Variants in TRMT11 observed in about 807,000 individuals in gnomAD.
TRMT11 encodes tRNA (guanine(10)-N(2))-methyltransferase TRMT11.
TRMT11 carries 53 observed loss-of-function variants against 62.8 expected under a neutral mutation model. That is an observed-to-expected ratio of 0.84 (90% CI 0.68 to 1.06). The LOEUF is 1.06. Ranked by LOEUF, TRMT11 falls within the 50% of genes least tolerant of loss-of-function variation. The pLI, the probability that TRMT11 is intolerant of heterozygous loss-of-function variation, is 0.00. For synonymous variants in TRMT11, 188 were observed against 190.3 expected, an observed-to-expected ratio of 0.99 and a Z score of 0.10; for missense variants, 556 against 553.4, an observed-to-expected ratio of 1.00 and a Z score of -0.05.
intron 21 of TRMT11, among the ~76,000 whole-genome samples, chr6:126,154,419 AC>A (rs1210233366): frequency 1.3e-5 from 2 of 151,780 alleles, no homozygotes; most frequent in African/African-American, 2.4e-5. Context: ...GATAGCATGA[AC>A]CCTTGTATGG....
At chr6:126,005,430 T>C (rs539370971) in intron 7 of TRMT11, among the ~76,000 whole-genome samples, 1 of 152,206 alleles carries the variant, frequency 6.6e-6, no homozygotes, top group South Asian at 2.1e-4. Context: ...TGTAAAATGG[T>C]AATACTAATA....
intron 17 of TRMT11, among the ~76,000 whole-genome samples, chr6:126,059,245 A>G (rs1385388697): frequency 1.3e-5 from 2 of 152,052 alleles, no homozygotes; most frequent in East Asian, 3.9e-4. Context: ...TGGAACAAAT[A>G]ACAGCTTTAC....
the TRMT11 span, among the ~76,000 whole-genome samples, chr6:126,215,619 A>G: frequency 6.6e-6 from 1 of 151,890 alleles, no homozygotes; most frequent in East Asian, 1.9e-4. Flanking sequence ...GAGATAGCTG[A>G]TTCCTGGTTT....
the TRMT11 span, among the ~76,000 whole-genome samples, chr6:126,264,435 C>G: frequency 1.7e-4 from 26 of 152,186 alleles, no homozygotes; most frequent in East Asian, 5.0e-3. Flanking sequence ...AAATATTATT[C>G]TACAAATTTC....
chr6:126,140,433 A>C (rs1777904856), intron 21 of TRMT11, among the ~76,000 whole-genome samples: 1 of 152,082 alleles, frequency 6.6e-6, no homozygotes, highest in Non-Finnish European at 1.5e-5. Flanking sequence ...TGAAAAGTTT[A>C]TATAACACAA....
Position 126,004,256 on chromosome 6 carries a change from A to G in TRMT11, c.680-4136A>G, listed in dbSNP as rs368402369. On this transcript the variant is annotated intron_variant, in intron 7 of 12. Coordinates refer to ENST00000334379, the MANE Select transcript of TRMT11 (RefSeq NM_001031712.3). ...TATCTTCACAGCTGTCAATATATGG[A>G]CCATTTATAGTGTGTTGAGGGGCAA... 4.0e-5 allele frequency among the ~76,000 whole-genome samples: 6 copies of G among 151,890 alleles called. No homozygotes were observed. In the East Asian group the frequency reaches 9.6e-4, roughly 24 times the overall value.
At chr6:126,113,611 A>T (rs888647359) in intron 18 of TRMT11, among the ~76,000 whole-genome samples, 1 of 152,122 alleles carries the variant, frequency 6.6e-6, no homozygotes, top group African/African-American at 2.4e-5. Flanking sequence ...CAGCCAATCT[A>T]CTAGGCACGT....
Position 126,012,780 on chromosome 6 carries a change from G to C in TRMT11, c.935G>C (p.Gly312Ala). ...FDAIITDPPY[G>A]IRESTRRTGS... ...TTTGTTTTCTGTCTAGCTCCATATG[G>C]TATCAGAGAATCTACAAGAAGAACA... is the stretch of plus-strand genomic sequence containing the variant. Residue 312 changes from glycine to alanine, a missense_variant, in exon 10 of 13, where the codon GGT becomes GCT. By Grantham distance (60) the Gly-to-Ala change is moderately conservative (BLOSUM62 0). Coordinates refer to ENST00000334379, the MANE Select transcript of TRMT11 (RefSeq NM_001031712.3). The C allele has an allele frequency of 6.2e-7, 1 of 1,613,250 alleles. No homozygotes were observed. The highest frequency in any genetic ancestry group is 8.5e-7 in the Non-Finnish European group (1 of 1,179,360).
chr6:126,087,634 G>A (rs879474890), intron 17 of TRMT11, among the ~76,000 whole-genome samples: 26 of 152,158 alleles, frequency 1.7e-4, no homozygotes, highest in African/African-American at 3.1e-4. Flanking sequence ...GTTTGTTCAC[G>A]TGCCACACAG....
intron 7 of TRMT11, among the ~76,000 whole-genome samples, chr6:126,000,566 A>G: frequency 6.6e-6 from 1 of 152,120 alleles, no homozygotes; most frequent in East Asian, 1.9e-4. Flanking sequence ...GTTTCATAGG[A>G]TTCAAACTCA....
At chr6:126,093,631 A>ATATATATTTT (rs1554236842) in intron 17 of TRMT11, among the ~76,000 whole-genome samples, 1 of 98,016 alleles carries the variant, frequency 1.0e-5, no homozygotes. Context: ...ATATATATAT[A>ATATATATTTT]TTTTCCCCCA....
downstream of TRMT11, among the ~76,000 whole-genome samples, chr6:126,040,543 C>T (rs924316559): frequency 5.3e-5 from 8 of 152,028 alleles, no homozygotes; most frequent in African/African-American, 1.2e-4. Flanking sequence ...TTATTACTTT[C>T]GGCGTAAGTT....
chr6:126,092,317 T>C (rs992643327), intron 17 of TRMT11, among the ~76,000 whole-genome samples: 2 of 152,086 alleles, frequency 1.3e-5, no homozygotes, highest in Admixed American at 6.5e-5. Flanking sequence ...CAGTTCCACA[T>C]GGCTGGGGAG....
chr6:126,214,188 C>T, the TRMT11 span, among the ~76,000 whole-genome samples: 5 of 149,104 alleles, frequency 3.4e-5, no homozygotes, highest in African/African-American at 5.2e-5. Context: ...GTGATATTGA[C>T]CTGTAGCTTT....
intron 17 of TRMT11, among the ~76,000 whole-genome samples, chr6:126,080,767 T>C (rs1444934521): frequency 2.0e-5 from 3 of 152,176 alleles, no homozygotes; most frequent in African/African-American, 7.2e-5. Flanking sequence ...ACAGATGATG[T>C]CTGAGCCCAA....
At chr6:126,149,837 A>C (rs564882438) in intron 21 of TRMT11, among the ~76,000 whole-genome samples, 2 of 152,332 alleles carry the variant, frequency 1.3e-5, no homozygotes, top group East Asian at 3.9e-4. Context: ...CTGAGCAGCC[A>C]GCAGTGATTC....
At chr6:126,250,443 T>C in the TRMT11 span, among the ~76,000 whole-genome samples, 1 of 152,164 alleles carries the variant, frequency 6.6e-6, no homozygotes. Context: ...ATCACTTAGA[T>C]TGTAAAACAG....
chr6:126,203,899 T>A (rs972939853), downstream of TRMT11, among the ~76,000 whole-genome samples: 2 of 151,568 alleles, frequency 1.3e-5, no homozygotes, highest in Non-Finnish European at 2.9e-5. Flanking sequence ...TAGTTATCTC[T>A]GGGAGGTGGG....
intron 11 of TRMT11, among the ~76,000 whole-genome samples, chr6:126,020,754 G>A (rs1795697536): frequency 6.6e-6 from 1 of 152,216 alleles, no homozygotes; most frequent in Non-Finnish European, 1.5e-5. Flanking sequence ...ATATGCTGTA[G>A]TGGATTATAC....
Sources: gnomAD v4.1 joint callset for allele counts (sites outside exome capture counted in the v4.1 genomes callset) on GRCh38, gnomAD v4.1.1 for gene constraint, MANE v1.5 for transcripts, NCBI Gene and HGNC (gene_info 2026-07-23, HGNC 2026-07-21) for gene names.